Variants in LAMB4 observed in about 807,000 individuals in gnomAD.
The protein encoded by LAMB4 is laminin subunit beta 4, also known as laminin subunit beta-4.
In LAMB4, 196 loss-of-function variants were observed where a neutral mutation model predicts 199.2. The ratio of observed to expected loss-of-function variants is 0.98; its 90% confidence interval spans 0.88 to 1.11. The LOEUF is 1.11. Ranked by LOEUF, LAMB4 falls within the 50% of genes least tolerant of loss-of-function variation. The pLI is 0.00. For missense variants in LAMB4, 2,080 were observed against 2,171.2 expected, an observed-to-expected ratio of 0.96 and a Z score of 0.83; for synonymous variants, 744 against 770.6, an observed-to-expected ratio of 0.97 and a Z score of 0.57.
intron 29 of LAMB4, among the ~76,000 whole-genome samples, chr7:108,037,986 C>A (rs2035287867): frequency 6.6e-6 from 1 of 152,098 alleles, no homozygotes; most frequent in Non-Finnish European, 1.5e-5. Flanking sequence ...AGAAGCTCTG[C>A]GTTTGAAGTC....
At chr7:108,022,926 C>T (rs1252668067), downstream of LAMB4, among the ~76,000 whole-genome samples, 1 of 152,178 alleles carries the variant, frequency 6.6e-6, no homozygotes, top group Non-Finnish European at 1.5e-5. Context: ...TATTCTCCTA[C>T]CTCAGCCTCT....
intron 29 of LAMB4, among the ~76,000 whole-genome samples, chr7:108,040,442 G>T (rs1392393023): frequency 6.6e-6 from 1 of 152,086 alleles, no homozygotes; most frequent in Non-Finnish European, 1.5e-5. Context: ...AAAACAGCCC[G>T]ACTAGCCAAG....
At chr7:108,045,575 A>G (rs561720722) in intron 28 of LAMB4, among the ~76,000 whole-genome samples, 1 of 152,272 alleles carries the variant, frequency 6.6e-6, no homozygotes, top group Admixed American at 6.5e-5. Flanking sequence ...TTATTGACTT[A>G]ATGATATGAT....
At chr7:108,055,300 C>A (rs1419344094) in intron 25 of LAMB4, among the ~76,000 whole-genome samples, 1 of 151,830 alleles carries the variant, frequency 6.6e-6, no homozygotes, top group African/African-American at 2.4e-5. Flanking sequence ...AATTCTCTTG[C>A]CTCAGCCTCC....
At chr7:108,110,119 T>C (rs1046182153) in intron 4 of LAMB4, among the ~76,000 whole-genome samples, 2 of 152,158 alleles carry the variant, frequency 1.3e-5, no homozygotes, top group Non-Finnish European at 2.9e-5. Flanking sequence ...AACCTCTGCC[T>C]CCCGGGTCAG....
At chr7:108,019,874 G>A (rs1419032604), downstream of LAMB4, among the ~76,000 whole-genome samples, 7 of 152,220 alleles carry the variant, frequency 4.6e-5, no homozygotes, top group African/African-American at 1.4e-4. Context: ...TTCACCTGTT[G>A]GGTCTCAGCT....
chr7:108,112,297 G>A (rs1298222882), intron 3 of LAMB4, among the ~76,000 whole-genome samples: 1 of 150,718 alleles, frequency 6.6e-6, no homozygotes, highest in East Asian at 1.9e-4. Flanking sequence ...TTAGTGAATT[G>A]GAACTAGTTT....
Position 108,056,349 on chromosome 7 carries a change from C to T in LAMB4, c.3380-342G>A, listed in dbSNP as rs111817453. Among the ~76,000 whole-genome samples, 1,028 of 152,230 alleles carry T rather than the reference C, an allele frequency of 6.8e-3. 12 individuals are homozygous for T. Among genetic ancestry groups the T allele is most frequent in the African/African-American group, 0.023 (968 of 41,538 alleles). ...ATAGTAACTCTGCTGTTACAGCCTC[C>T]GAGGGTGGTTCAGGTGTGTCGAGAC... On this transcript the variant is annotated intron_variant, in intron 24 of 33. Coordinates refer to ENST00000388781, the MANE Select transcript of LAMB4 (RefSeq NM_007356.3).
At chr7:108,098,017 T>G (rs979593183) in intron 11 of LAMB4, among the ~76,000 whole-genome samples, 1 of 151,850 alleles carries the variant, frequency 6.6e-6, no homozygotes, top group Admixed American at 6.6e-5. Flanking sequence ...AACCCAGAGG[T>G]TGGCAGGATT....
At chr7:108,070,446 T>A (rs543627188) in intron 17 of LAMB4, among the ~76,000 whole-genome samples, 2 of 152,250 alleles carry the variant, frequency 1.3e-5, no homozygotes, top group South Asian at 4.1e-4. Flanking sequence ...ATGGGTCCCT[T>A]CTATGTGGAT....
Position 108,078,283 on chromosome 7 carries a change from T to C in LAMB4, c.1921A>G (p.Asn641Asp), listed in dbSNP as rs748143276. 1 of 1,609,726 alleles carries C rather than the reference T, an allele frequency of 6.2e-7. No homozygotes were observed. Among genetic ancestry groups the C allele is most frequent in the Non-Finnish European group, 8.5e-7 (1 of 1,178,094 alleles). ...CAGTGCTCACTCCCTCCAGGGGGGTTCACCACAATCTGGACAGTCCAGTCA... is the reference window on the plus strand; with the variant it reads ...CAGTGCTCACTCCCTCCAGGGGGGTCCACCACAATCTGGACAGTCCAGTCA... ...AADWTVQIVV[N>D]PPGGSEHCIP... Residue 641 changes from asparagine (N) to aspartate (D), a missense_variant, in exon 16 of 34, where the codon AAC becomes GAC. Coordinates refer to ENST00000388781, the MANE Select transcript of LAMB4 (RefSeq NM_007356.3).
intron 33 of LAMB4, among the ~76,000 whole-genome samples, chr7:108,024,843 T>C (rs1636946): frequency 0.21 from 31,463 of 152,204 alleles, 7,642 homozygotes; most frequent in African/African-American, 0.6. Context: ...ACAAGGAGAC[T>C]ATATAAGTGG....
chr7:108,093,213 C>T (rs1398073865), intron 12 of LAMB4, among the ~76,000 whole-genome samples: 1 of 151,986 alleles, frequency 6.6e-6, no homozygotes, highest in Non-Finnish European at 1.5e-5. Flanking sequence ...ATTACAGGCG[C>T]CTGCCACCAC....
chr7:108,022,112 ATCGCCT>A (rs2034706682), downstream of LAMB4, among the ~76,000 whole-genome samples: 1 of 152,140 alleles, frequency 6.6e-6, no homozygotes. Flanking sequence ...TCTTGGAAAT[ATCGCCT>A]GATGCATAGT....
At chr7:108,043,658 C>G (rs1215877327) in intron 29 of LAMB4, 94 bp downstream of exon 29, 1 of 475,922 alleles carries the variant, frequency 2.1e-6, no homozygotes, top group Admixed American at 5.3e-5. Flanking sequence ...CGGCTCACTG[C>G]AAGCTCCGCC....
chr7:108,094,376 A>G (rs1458063453), intron 12 of LAMB4, among the ~76,000 whole-genome samples: 2 of 151,982 alleles, frequency 1.3e-5, no homozygotes, highest in African/African-American at 2.4e-5. Context: ...AGATTTTTTG[A>G]CTTGTCTTCC....
At chr7:108,066,823 C>T (rs949212988) in intron 19 of LAMB4, among the ~76,000 whole-genome samples, 8 of 151,994 alleles carry the variant, frequency 5.3e-5, no homozygotes, top group Non-Finnish European at 1.0e-4. Flanking sequence ...GTTTAATTAA[C>T]GTTTGTTGTT....
At chr7:108,091,871 G>A in intron 13 of LAMB4, 95 bp from the exon 14 acceptor site, 1 of 1,221,874 alleles carries the variant, frequency 8.2e-7, no homozygotes, top group African/African-American at 1.5e-5. Context: ...TGAGTTTGGA[G>A]CAATCCTTAG....
chr7:108,033,009 C>T (rs892661960), intron 31 of LAMB4, among the ~76,000 whole-genome samples: 3 of 152,116 alleles, frequency 2.0e-5, no homozygotes, highest in African/African-American at 7.2e-5. Flanking sequence ...ATCTAAATAT[C>T]CAATCTAATA....
Sources: allele counts gnomAD v4.1 joint callset (sites outside exome capture counted in the v4.1 genomes callset), GRCh38; gene constraint gnomAD v4.1.1; transcripts MANE v1.5; gene names NCBI Gene and HGNC (gene_info 2026-07-23, HGNC 2026-07-21).